NOS1AP: variants seen among roughly 807,000 people sequenced by gnomAD.
NOS1AP encodes carboxyl-terminal PDZ ligand of neuronal nitric oxide synthase protein.
Under a neutral mutation model 56.2 loss-of-function variants are expected in NOS1AP, and 21 were observed. The ratio of observed to expected loss-of-function variants is 0.37; its 90% CI spans 0.26 to 0.54. The LOEUF (loss-of-function observed/expected upper bound fraction) is 0.54, where lower values mean the gene tolerates loss of function less well. NOS1AP is among the 20% of genes least tolerant of loss of function. NOS1AP has a pLI of 0.84. For missense variants in NOS1AP, 522 were observed against 657.8 expected (o/e 0.79, Z 2.26); for synonymous variants, 270 against 274.6 (o/e 0.98, Z 0.17).
chr1:162,314,608 TCTTCTCTC>T, intron 4 of NOS1AP, among the ~76,000 whole-genome samples: 1 of 152,252 alleles, frequency 6.6e-6, no homozygotes, highest in Non-Finnish European at 1.5e-5. Flanking sequence ...TCTTTCCTTG[TCTTCTCTC>T]CTTGTTACCA....
At chr1:162,350,224 GA>G (rs949690452) in intron 6 of NOS1AP, among the ~76,000 whole-genome samples, 2 of 152,186 alleles carry the variant, frequency 1.3e-5, no homozygotes, top group African/African-American at 4.8e-5. Context: ...CCGTTGTGCA[GA>G]AAAAACATGT....
chr1:162,212,477 G>A (rs1229927026), intron 2 of NOS1AP, among the ~76,000 whole-genome samples: 1 of 152,156 alleles, frequency 6.6e-6, no homozygotes, highest in African/African-American at 2.4e-5. Context: ...GACACTCAAG[G>A]ATGGGGAACC....
At chr1:162,170,247 A>G (rs951562066) in intron 2 of NOS1AP, among the ~76,000 whole-genome samples, 3 of 152,214 alleles carry the variant, frequency 2.0e-5, no homozygotes, top group African/African-American at 7.2e-5. Context: ...AGTGCTCACT[A>G]CATGCCAGTT....
At chr1:162,229,490 A>G (rs550097618) in intron 2 of NOS1AP, among the ~76,000 whole-genome samples, 1 of 152,236 alleles carries the variant, frequency 6.6e-6, no homozygotes, top group East Asian at 1.9e-4. Context: ...ATTACATTAT[A>G]GTGAATTGTA....
rs556900751 is a variant in NOS1AP at position 162,156,624 on chromosome 1, C to G, written c.177+2148C>G. On this transcript the variant is annotated intron_variant, in intron 2 of 9. Coordinates refer to ENST00000361897, the MANE Select transcript of NOS1AP (RefSeq NM_014697.3). ...AAGTCCCTTTTTAATTCACTTTTGA[C>G]GAAGAGATAGGGAATATGTTGTCAG... Among the ~76,000 whole-genome samples the G allele has an allele frequency of 2.0e-5, 3 of 152,030 alleles. No individual in the cohort carries two copies. In the East Asian group the frequency reaches 5.8e-4, roughly 29 times the overall value.
chr1:162,098,189 C>T (rs555741335), intron 1 of NOS1AP, among the ~76,000 whole-genome samples: 6 of 145,816 alleles, frequency 4.1e-5, no homozygotes, highest in Non-Finnish European at 8.9e-5. Context: ...TCACTGCAAC[C>T]TCTGCCCCCT....
chr1:162,365,761 C>T (rs1015703084), intron 9 of NOS1AP, among the ~76,000 whole-genome samples, 192 bp downstream of exon 9: 1 of 152,118 alleles, frequency 6.6e-6, no homozygotes, highest in African/African-American at 2.4e-5. Context: ...AAGGAGATCT[C>T]GGGTGCCTTC....
intron 4 of NOS1AP, among the ~76,000 whole-genome samples, chr1:162,313,480 T>G (rs1262081642): frequency 6.6e-6 from 1 of 152,230 alleles, no homozygotes; most frequent in Non-Finnish European, 1.5e-5. Flanking sequence ...TATCAAGAGC[T>G]GCCTCCCACA....
chr1:162,214,292 CATT>C (rs1652472065), intron 2 of NOS1AP, among the ~76,000 whole-genome samples: 1 of 152,122 alleles, frequency 6.6e-6, no homozygotes, highest in African/African-American at 2.4e-5. Context: ...TTCATTCATT[CATT>C]CAGTAAAAGC....
chr1:162,276,778 G>A (rs1276554806), intron 2 of NOS1AP, among the ~76,000 whole-genome samples: 4 of 152,144 alleles, frequency 2.6e-5, no homozygotes. Flanking sequence ...CTGGGAACTT[G>A]TGTATTGGTT....
rs71829190 is a variant in NOS1AP, at chr1:162,267,596, CA to C, written c.178-19728del. Among the ~76,000 whole-genome samples, 294 of 100,142 alleles carry C rather than the reference CA, an allele frequency of 2.9e-3. 1 individual carries two copies. The highest frequency in any genetic ancestry group is 5.9e-3 in the African/African-American group (173 of 29,248). The allele number at this position is 100,142 out of a possible 152,430, so 65.7% of individuals were successfully genotyped here. A position where few individuals can be genotyped will look rare whatever the true frequency, so the allele number is the denominator to read the frequency against. ...CTGGGCAACATAGACCCTGTCTCTA[CA>C]AAAAAAAAAAAAAAAAAAATTATTT... On this transcript the variant is annotated intron_variant, in intron 2 of 9. Transcript: ENST00000361897.
chr1:162,182,327 G>A (rs1285561226), intron 2 of NOS1AP, among the ~76,000 whole-genome samples: 1 of 152,164 alleles, frequency 6.6e-6, no homozygotes, highest in Non-Finnish European at 1.5e-5. Context: ...TTTGGTTCCA[G>A]GCCACTGCAA....
rs371994553 is a variant in NOS1AP at position 162,281,039 on chromosome 1, A to G, written c.178-6305A>G. On this transcript the variant is annotated intron_variant, in intron 2 of 9. Coordinates refer to ENST00000361897, the MANE Select transcript of NOS1AP (RefSeq NM_014697.3). ...GAAGCTGGGTAGCCCACAGAACAGAAATTCATCTCACGACCATCCCCCCAA... is the reference window on the plus strand; with the variant it reads ...GAAGCTGGGTAGCCCACAGAACAGAGATTCATCTCACGACCATCCCCCCAA... Among the ~76,000 whole-genome samples, 171 of 152,318 alleles carry G rather than the reference A, an allele frequency of 1.1e-3. 1 individual carries two copies. Among genetic ancestry groups the G allele is most frequent in the African/African-American group, 3.8e-3 (157 of 41,568 alleles).
In NOS1AP at chr1:162,290,730, C is replaced by T. The variant is rs140709820; in HGVS notation, c.270+3294C>T. 5.0e-4 allele frequency among the ~76,000 whole-genome samples: 76 copies of T among 152,306 alleles called. No homozygotes were observed. The East Asian group carries it at 0.014, about 27-fold the overall frequency. ...GGGTAAAAACATTGAATAGCCCTCT[C>T]CTCCCACAATTAGCTTGTTGATTTT... On this transcript the variant is annotated intron_variant, in intron 3 of 9. Coordinates refer to ENST00000361897, the MANE Select transcript of NOS1AP (RefSeq NM_014697.3).
At chr1:162,114,484 T>C (rs1048112286) in intron 1 of NOS1AP, among the ~76,000 whole-genome samples, 3 of 152,214 alleles carry the variant, frequency 2.0e-5, no homozygotes, top group African/African-American at 7.2e-5. Flanking sequence ...AAAAGCCAGC[T>C]AATTATGGGC....
At chr1:162,328,337 C>T (rs1047005741) in intron 4 of NOS1AP, among the ~76,000 whole-genome samples, 66 of 152,302 alleles carry the variant, frequency 4.3e-4, no homozygotes, top group South Asian at 6.2e-4. Flanking sequence ...ACAAACCCGT[C>T]CATCCTGCAC....
chr1:162,173,120 G>C (rs796641592), intron 2 of NOS1AP, among the ~76,000 whole-genome samples: 1 of 152,284 alleles, frequency 6.6e-6, no homozygotes, highest in African/African-American at 2.4e-5. Context: ...TGATGCAAAA[G>C]TTATTGCGTT....
intron 2 of NOS1AP, among the ~76,000 whole-genome samples, chr1:162,217,686 C>T (rs896824358): frequency 2.6e-5 from 4 of 152,136 alleles, no homozygotes; most frequent in African/African-American, 9.7e-5. Flanking sequence ...GAGTAAAGGA[C>T]ACAACCTCCA....
chr1:162,217,266 G>GTTTTTTTTTTTTTTT (rs1557836281), intron 2 of NOS1AP, among the ~76,000 whole-genome samples: 10 of 18,322 alleles, frequency 5.5e-4, no homozygotes, highest in Non-Finnish European at 1.0e-3. Flanking sequence ...GCTGTTGTTA[G>GTTTTTTTTTTTTTTT]CTTTTTTTTT....
Sources: gnomAD v4.1 joint callset for allele counts (sites outside exome capture counted in the v4.1 genomes callset) on GRCh38, gnomAD v4.1.1 for gene constraint, MANE v1.5 for transcripts, NCBI Gene and HGNC (gene_info 2026-07-23, HGNC 2026-07-21) for gene names.